PRKCA: variants seen among roughly 807,000 people sequenced by gnomAD.
The protein encoded by PRKCA is protein kinase C alpha, also known as protein kinase C alpha type.
Under a neutral mutation model 87.0 loss-of-function variants are expected in PRKCA, and 27 were observed. The ratio of observed to expected loss-of-function variants is 0.31; its 90% CI spans 0.23 to 0.43. PRKCA has a LOEUF of 0.43. PRKCA is among the 20% of genes least tolerant of loss of function. The probability of loss-of-function intolerance (pLI) is 1.00; values close to 1 mark genes in which losing one functional copy is unlikely to be tolerated. For missense variants in PRKCA, 518 were observed against 852.3 expected (o/e 0.61, Z 4.88); for synonymous variants, 329 against 311.1 (o/e 1.06, Z -0.61).
chr17:66,319,841 A>C (rs1337062101), intron 2 of PRKCA, among the ~76,000 whole-genome samples: 1 of 152,008 alleles, frequency 6.6e-6, no homozygotes, highest in African/African-American at 2.4e-5. Flanking sequence ...TACTGGGTTC[A>C]AGGGATTCTC....
intron 16 of PRKCA, chr17:66,796,975 C>T (rs2144409692): frequency 1.0e-6 from 1 of 985,342 alleles, no homozygotes; most frequent in Non-Finnish European, 1.2e-6. Flanking sequence ...CTTTCCTCTT[C>T]TTCTGGGTTT....
chr17:66,506,258 T>C (rs189797994), intron 3 of PRKCA, among the ~76,000 whole-genome samples: 1 of 151,588 alleles, frequency 6.6e-6, no homozygotes, highest in Admixed American at 6.6e-5. Context: ...ATCGTGCCAC[T>C]GCATTGCAGT....
In PRKCA at chr17:66,497,956, C is replaced by T. The variant is rs557017161; in HGVS notation, c.288+1673C>T. 7.2e-5 allele frequency among the ~76,000 whole-genome samples: 11 copies of T among 152,236 alleles called. No homozygotes were observed. The South Asian group carries it at 2.3e-3, about 32-fold the overall frequency. On this transcript the variant is annotated intron_variant, in intron 3 of 16. Coordinates refer to ENST00000413366, the MANE Select transcript of PRKCA (RefSeq NM_002737.3). ...AGAGTGCCTGTTGTGGGCTCTGAGCCCACATACACATACACACGGGTTCCA... is the reference window on the plus strand; with the variant it reads ...AGAGTGCCTGTTGTGGGCTCTGAGCTCACATACACATACACACGGGTTCCA...
chr17:66,389,082 T>C (rs1397361916), intron 2 of PRKCA, among the ~76,000 whole-genome samples: 1 of 152,186 alleles, frequency 6.6e-6, no homozygotes, highest in African/African-American at 2.4e-5. Flanking sequence ...ATCATGTATA[T>C]GCCTTTCTAA....
At chr17:66,704,159 T>TAA (rs60117629) in intron 8 of PRKCA, among the ~76,000 whole-genome samples, 29 of 140,934 alleles carry the variant, frequency 2.1e-4, no homozygotes, top group South Asian at 2.3e-4. Flanking sequence ...TCAGCAAAGT[T>TAA]AAAAAAAAAA....
At chr17:66,765,416 G>GTATATATA (rs1276368624) in intron 13 of PRKCA, among the ~76,000 whole-genome samples, 10 of 16,030 alleles carry the variant, frequency 6.2e-4, no homozygotes, top group South Asian at 4.6e-3. Flanking sequence ...GCAAGACTTT[G>GTATATATA]TCTATATATA....
intron 2 of PRKCA, among the ~76,000 whole-genome samples, chr17:66,340,373 TTTTTTTC>T (rs1906970780): frequency 7.7e-6 from 1 of 129,948 alleles, no homozygotes; most frequent in African/African-American, 3.3e-5. Flanking sequence ...TTTCTTTTTT[TTTTTTTC>T]TTTTTTTTTT....
intron 3 of PRKCA, among the ~76,000 whole-genome samples, chr17:66,533,684 G>T (rs1416361150): frequency 6.8e-6 from 1 of 147,938 alleles, no homozygotes; most frequent in Non-Finnish European, 1.5e-5. Flanking sequence ...ATCCAGAGGA[G>T]ACTGTCCAGG....
chr17:66,731,298 C>T (rs556043211), intron 8 of PRKCA, among the ~76,000 whole-genome samples: 7 of 148,906 alleles, frequency 4.7e-5, no homozygotes, highest in Admixed American at 2.0e-4. Flanking sequence ...GAGCTGAGAT[C>T]GCGCCACTGC....
chr17:66,361,886 C>A (rs140506743), intron 2 of PRKCA, among the ~76,000 whole-genome samples: 1 of 152,306 alleles, frequency 6.6e-6, no homozygotes, highest in East Asian at 1.9e-4. Flanking sequence ...CACAAAGCCC[C>A]ATGGAATCTG....
chr17:66,636,735 T>A (rs1417109069), intron 3 of PRKCA, among the ~76,000 whole-genome samples: 1 of 152,242 alleles, frequency 6.6e-6, no homozygotes, highest in East Asian at 1.9e-4. Flanking sequence ...CTAAGCTGGG[T>A]GTCACCCCTT....
At chr17:66,492,756 G>A (rs1223661368) in intron 2 of PRKCA, among the ~76,000 whole-genome samples, 2 of 152,228 alleles carry the variant, frequency 1.3e-5, no homozygotes, top group Non-Finnish European at 2.9e-5. Flanking sequence ...TCCTTCGAGA[G>A]TTTTGCAATC....
intron 3 of PRKCA, among the ~76,000 whole-genome samples, chr17:66,615,064 C>G (rs1338012323): frequency 6.6e-6 from 1 of 152,140 alleles, no homozygotes; most frequent in Non-Finnish European, 1.5e-5. Context: ...CATGCACAGT[C>G]CCCTCTGACC....
intron 3 of PRKCA, among the ~76,000 whole-genome samples, chr17:66,624,787 CAAAT>C (rs3064605): frequency 0.42 from 60,023 of 143,388 alleles, 13,279 homozygotes; most frequent in Middle Eastern, 0.51. Flanking sequence ...GACTCCATCT[CAAAT>C]AAATAAATAA....
chr17:66,704,308 A>G (rs1214840635), intron 8 of PRKCA, among the ~76,000 whole-genome samples: 2 of 152,354 alleles, frequency 1.3e-5, no homozygotes, highest in Middle Eastern at 3.4e-3. Context: ...AAATGTGTCT[A>G]TAACACTTCG....
Position 66,713,999 on chromosome 17 carries a change from T to G in PRKCA, c.919-18689T>G, listed in dbSNP as rs575218378. ...CACATTCCCCCAGGTGCTCACAGCCTGTAGATACCCTTAGGGTCACAATAA... is the reference window on the plus strand; with the variant it reads ...CACATTCCCCCAGGTGCTCACAGCCGGTAGATACCCTTAGGGTCACAATAA... On this transcript the variant is annotated intron_variant, in intron 8 of 16. Transcript: ENST00000413366. 3.9e-5 allele frequency among the ~76,000 whole-genome samples: 6 copies of G among 152,278 alleles called. No homozygotes were observed. The East Asian group carries it at 9.7e-4, about 24-fold the overall frequency.
intron 3 of PRKCA, among the ~76,000 whole-genome samples, chr17:66,565,152 A>T (rs554245459): frequency 6.6e-6 from 1 of 152,112 alleles, no homozygotes; most frequent in Non-Finnish European, 1.5e-5. Context: ...TAACCGTAAA[A>T]TGGGACTAAG....
intron 13 of PRKCA, among the ~76,000 whole-genome samples, chr17:66,769,280 C>T (rs1000949796): frequency 1.3e-5 from 2 of 151,730 alleles, no homozygotes; most frequent in African/African-American, 4.8e-5. Context: ...TTGCTTGAGC[C>T]CAGGAGTTGA....
In PRKCA at chr17:66,805,799, T is replaced by C. The variant is rs1047825110; in HGVS notation, c.*1762T>C. The C allele has an allele frequency of 4.7e-5, 7 of 150,234 alleles. No homozygotes were observed. The highest frequency in any genetic ancestry group is 2.2e-4 in the South Asian group (1 of 4,646). 9.3% of individuals were successfully genotyped at this position (150,234 alleles called of 1,614,324 possible). ...ACCTGGGCTGACCTTTGTGTGTGCGTGTGTGTGTGTTTCCTTCTTCCCTTC... is the reference window on the plus strand; with the variant it reads ...ACCTGGGCTGACCTTTGTGTGTGCGCGTGTGTGTGTTTCCTTCTTCCCTTC... On this transcript the variant is annotated 3_prime_UTR_variant, in exon 17 of 17. Coordinates refer to ENST00000413366, the MANE Select transcript of PRKCA (RefSeq NM_002737.3).
Sources: gnomAD v4.1 joint callset for allele counts (sites outside exome capture counted in the v4.1 genomes callset) on GRCh38, gnomAD v4.1.1 for gene constraint, MANE v1.5 for transcripts, NCBI Gene and HGNC (gene_info 2026-07-23, HGNC 2026-07-21) for gene names.